SHKBP1: variants seen among roughly 807,000 people sequenced by gnomAD.
SHKBP1 encodes SH3KBP1-binding protein 1.
Under a neutral mutation model 83.9 loss-of-function variants are expected in SHKBP1, and 71 were observed. The observed-to-expected ratio is 0.85, with a 90% confidence interval of 0.70 to 1.03. SHKBP1 has a LOEUF of 1.03. Among genes scored for constraint, SHKBP1 ranks in the 50% least tolerant of loss-of-function variants. SHKBP1 has a pLI of 0.00. For missense variants in SHKBP1, 824 were observed against 982.4 expected (o/e 0.84, Z 2.16); for synonymous variants, 371 against 398.0 (o/e 0.93, Z 0.81).
chr19:40,582,275 G>C, intron 9 of SHKBP1, 76 bp from the exon 10 acceptor site: 1 of 1,158,210 alleles, frequency 8.6e-7, no homozygotes, highest in Non-Finnish European at 1.3e-6. Flanking sequence ...GAACCCTCTG[G>C]TCCTTGGAGT....
chr19:40,590,062 G>C lies in SHKBP1; in HGVS notation c.1590-182G>C, dbSNP rs1196885883. 7.8e-6 allele frequency: 5 copies of C among 639,808 alleles called. No individual in the cohort carries two copies. The highest frequency in any genetic ancestry group is 1.0e-5 in the Non-Finnish European group (4 of 387,200). The allele number at this position is 639,808 out of a possible 1,614,324, so 39.6% of individuals were successfully genotyped here. On this transcript the variant is annotated intron_variant, in intron 15 of 17. Transcript: ENST00000291842. This position sits in a 1 kb window ranked among gnomAD's most constrained non-coding sequence, Gnocchi z 4.6. ...AGAAGCTCTGGGAGACTCCCTGGGT[G>C]TTTGGGGCTGCGGTGTCCAAGAGCT...
chr19:40,585,589 C>T (rs1469560874), intron 12 of SHKBP1: 3 of 149,340 alleles, frequency 2.0e-5, no homozygotes, highest in African/African-American at 7.4e-5. Flanking sequence ...GTCATTCAAC[C>T]CAGGCTGGAG....
chr19:40,580,415 G>GC lies in SHKBP1; in HGVS notation c.498dup (p.Asn167GlnfsTer14), dbSNP rs768323115. ...CCCCTGTCCGACGGAGCAACACGATGCCCCCCAACCTTGGCAATGCAGGGC... is the reference window on the plus strand; with the variant it reads ...CCCCTGTCCGACGGAGCAACACGATGCCCCCCCAACCTTGGCAATGCAGGGC... On this transcript the variant is annotated frameshift_variant, in exon 7 of 18. Coordinates refer to ENST00000291842, the MANE Select transcript of SHKBP1 (RefSeq NM_138392.4). LOFTEE classifies it high-confidence loss of function. 1 of 1,614,184 alleles carries GC rather than the reference G, an allele frequency of 6.2e-7. No homozygotes were observed. Among genetic ancestry groups the GC allele is most frequent in the Non-Finnish European group, 8.5e-7 (1 of 1,180,034 alleles).
Position 40,590,711 on chromosome 19 carries a change from C to G in SHKBP1, c.1769-19C>G, listed in dbSNP as rs374082147. 7 of 1,566,970 alleles carry G rather than the reference C, an allele frequency of 4.5e-6. No individual in the cohort carries two copies. Among genetic ancestry groups the G allele is most frequent in the Non-Finnish European group, 6.1e-6 (7 of 1,151,260 alleles). ...ATGACCCCTGTCTTGCCCCCTGACC[C>G]TGCTTCCGTGCCCCCCAGCAGGTGG... is the stretch of plus-strand genomic sequence containing the variant. On this transcript the variant is annotated intron_variant, in intron 16 of 17. Coordinates refer to ENST00000291842, the MANE Select transcript of SHKBP1 (RefSeq NM_138392.4). This position sits in a 1 kb window ranked among gnomAD's most constrained non-coding sequence, Gnocchi z 4.6.
intron 10 of SHKBP1, 60 bp from the exon 11 acceptor site, chr19:40,583,338 A>G (rs1356354560): frequency 3.5e-6 from 5 of 1,412,704 alleles, no homozygotes; most frequent in Non-Finnish European, 4.8e-6. Flanking sequence ...GTGAGGGGTC[A>G]CCACGGAAGG....
rs779392574 is a variant in SHKBP1 at position 40,588,648 on chromosome 19, G to A, written c.1361G>A (p.Arg454Gln). ...GTCTGTGCCGACAACAACCACGTGC[G>A]GACATGGTCTGTGACTCGCTTCCGC... ...ISVCADNNHVRTWSVTRFRGM... is the reference protein window; with the variant it reads ...ISVCADNNHVQTWSVTRFRGM... The change falls in exon 14 of 18, where the codon CGG becomes CAG. Residue 454 changes from arginine (R) to glutamine (Q), a missense_variant. Arg to Gln is a conservative substitution (Grantham distance 43). Around this residue, in one of 3 missense-constraint regions of SHKBP1, gnomAD observed 182 missense variants for 273.1 expected, o/e 0.67. Transcript: ENST00000291842. The A allele has an allele frequency of 3.1e-6, 5 of 1,614,176 alleles. No individual in the cohort carries two copies. Among genetic ancestry groups the A allele is most frequent in the Non-Finnish European group, 3.4e-6 (4 of 1,180,034 alleles).
chr19:40,582,874 G>A (rs1440958149), intron 10 of SHKBP1, among the ~76,000 whole-genome samples: 4 of 152,018 alleles, frequency 2.6e-5, no homozygotes, highest in Non-Finnish European at 4.4e-5. Context: ...GAGACAGAGA[G>A]GCAGAAAACC....
rs563123696 is a variant in SHKBP1, at chr19:40,577,140, A to T, written c.87-91A>T. 10,384 of 1,460,564 alleles carry T rather than the reference A, an allele frequency of 7.1e-3. 49 individuals are homozygous for T. The highest frequency in any genetic ancestry group is 9.0e-3 in the Non-Finnish European group (9,532 of 1,060,488). The allele number at this position is 1,460,564 out of a possible 1,614,324, so 90.5% of individuals were successfully genotyped here. ...TCTGGAAAAACGCCGGGGGAGGGGG[A>T]AGGGGAGGGAACCCTGGATCCTGCG... On this transcript the variant is annotated intron_variant, in intron 1 of 17. Transcript: ENST00000291842.
Position 40,590,838 on chromosome 19 carries a change from G to A in SHKBP1, c.1877G>A (p.Arg626His), listed in dbSNP as rs778449711. The change falls in exon 17 of 18, where the codon CGC becomes CAC. Residue 626 changes from arginine to histidine, a missense_variant. By Grantham distance (29) the Arg-to-His change is conservative. Around this residue, in one of 3 missense-constraint regions of SHKBP1, gnomAD observed 287 missense variants for 322.9 expected, o/e 0.89. Transcript: ENST00000291842. This position sits in a 1 kb window ranked among gnomAD's most constrained non-coding sequence, Gnocchi z 4.6. ...SWGCLPSPSP[R>H]ISLTSLHSAS... is the part of the protein sequence containing the mutation. ...GGCTGTCTCCCCAGCCCCTCACCCC[G>A]CATCTCCCTCACCAGGTAGCCACAA... is the stretch of plus-strand genomic sequence containing the variant. 1.0e-5 allele frequency: 16 copies of A among 1,584,584 alleles called. No homozygotes were observed. In the Admixed American group the frequency reaches 1.4e-4, roughly 14 times the overall value.
Position 40,576,895 on chromosome 19 carries a change from G to T in SHKBP1, c.-5G>T, listed in dbSNP as rs911054769. ...GGTGCGGGCCAGCCGGCTCGCCCGG[G>T]GGCCATGGCAGCAGCGGCTACTGCA... On this transcript the variant is annotated 5_prime_UTR_variant, in exon 1 of 18. Transcript: ENST00000291842. 14 of 1,456,594 alleles carry T rather than the reference G, an allele frequency of 9.6e-6. No homozygotes were observed. In the East Asian group the frequency reaches 2.3e-4, roughly 24 times the overall value. 90.2% of individuals were successfully genotyped at this position (1,456,594 alleles called of 1,614,324 possible).
intron 4 of SHKBP1, 161 bp from the exon 5 acceptor site, chr19:40,577,987 ACACACT>A: frequency 2.9e-6 from 2 of 685,950 alleles, no homozygotes; most frequent in Non-Finnish European, 2.7e-6. Flanking sequence ...ACACACACAC[ACACACT>A]CAACATTTCC....
chr19:40,591,030 C>G lies in SHKBP1; in HGVS notation c.1947C>G (p.Ser649Arg). Residue 649 changes from serine (S) to arginine (R), a missense_variant, in exon 18 of 18, where the codon AGC (serine) becomes AGG (arginine). This residue lies in a region of SHKBP1 where 287 missense variants were observed against 322.9 expected (regional missense o/e 0.89). Coordinates refer to ENST00000291842, the MANE Select transcript of SHKBP1 (RefSeq NM_138392.4). Reference sequence around the variant, plus strand: ...TGTCTGGCCACCGTGGGAGCCCAAGCCCCCCGCAGGCTGAGGCCCGGCGCC... The same window carrying G: ...TGTCTGGCCACCGTGGGAGCCCAAGGCCCCCGCAGGCTGAGGCCCGGCGCC... ...TSLSGHRGSP[S>R]PPQAEARRRG... 1 of 1,612,590 alleles carries G rather than the reference C, an allele frequency of 6.2e-7. No homozygotes were observed. Among genetic ancestry groups the G allele is most frequent in the Non-Finnish European group, 8.5e-7 (1 of 1,178,934 alleles).
At chr19:40,585,266 T>G (rs998905101) in intron 12 of SHKBP1, among the ~76,000 whole-genome samples, 1 of 152,028 alleles carries the variant, frequency 6.6e-6, no homozygotes, top group Non-Finnish European at 1.5e-5. Flanking sequence ...TCACCACACC[T>G]GTCTAATTTT....
intron 12 of SHKBP1, among the ~76,000 whole-genome samples, chr19:40,584,652 C>T (rs994988541): frequency 1.1e-4 from 16 of 152,312 alleles, no homozygotes; most frequent in African/African-American, 2.4e-4. Context: ...GACAAGGTCT[C>T]GCTCTGCTGC....
chr19:40,581,030 ATTCTC>A lies in SHKBP1; in HGVS notation c.844+96_844+100del, dbSNP rs2081265924. 22 of 1,216,484 alleles carry A rather than the reference ATTCTC, an allele frequency of 1.8e-5. No homozygotes were observed. The South Asian group carries it at 3.2e-4, about 18-fold the overall frequency. 75.4% of individuals were successfully genotyped at this position (1,216,484 alleles called of 1,614,324 possible). On this transcript the variant is annotated intron_variant, in intron 9 of 17. Coordinates refer to ENST00000291842, the MANE Select transcript of SHKBP1 (RefSeq NM_138392.4). The stretch of plus-strand genomic sequence containing the variant: ...CCATAAAATCCTCAAACCCATAAGA[ATTCTC>A]TGCTCTATTAGATCTGTTTGTGTCA...
chr19:40,591,347 C>G lies in SHKBP1; in HGVS notation c.*140C>G, dbSNP rs569769518. The G allele has an allele frequency of 2.9e-6, 2 of 691,294 alleles. No individual in the cohort carries two copies. The highest frequency in any genetic ancestry group is 4.5e-6 in the Non-Finnish European group (2 of 443,906). The allele number at this position is 691,294 out of a possible 1,614,324, so 42.8% of individuals were successfully genotyped here. ...TATTGTTACTAGGTCCCCACCTTCC[C>G]TCTTTTCTGGAAGCCAAAGTCACCC... On this transcript the variant is annotated 3_prime_UTR_variant, in exon 18 of 18. Transcript: ENST00000291842.
At chr19:40,584,884 G>A (rs549932166) in intron 12 of SHKBP1, among the ~76,000 whole-genome samples, 1 of 152,294 alleles carries the variant, frequency 6.6e-6, no homozygotes, top group Non-Finnish European at 1.5e-5. Flanking sequence ...GACAATTCCT[G>A]TAAATGGGAT....
chr19:40,578,642 A>T, intron 6 of SHKBP1, 100 bp downstream of exon 6: 1 of 1,035,382 alleles, frequency 9.7e-7, no homozygotes, highest in Non-Finnish European at 1.5e-6. Flanking sequence ...GCGTCCTGAG[A>T]TACAGTGGGA....
chr19:40,582,159 T>C (rs1050180980), intron 9 of SHKBP1, among the ~76,000 whole-genome samples, 192 bp from the exon 10 acceptor site: 1 of 152,144 alleles, frequency 6.6e-6, no homozygotes, highest in Non-Finnish European at 1.5e-5. Flanking sequence ...TGGCCTCAAA[T>C]GATCCGCCCA....
Sources: gnomAD v4.1 joint callset for allele counts (sites outside exome capture counted in the v4.1 genomes callset) on GRCh38, gnomAD v4.1.1 for gene constraint, gnomAD v4.1.1 regional missense constraint, Gnocchi (gnomAD v3.1) non-coding constraint, MANE v1.5 for transcripts, NCBI Gene and HGNC (gene_info 2026-07-23, HGNC 2026-07-21) for gene names.